The following CACNA2D1 variants were observed in gnomAD, a reference collection of about 807,000 sequenced individuals.
The protein encoded by CACNA2D1 is voltage-dependent calcium channel subunit alpha-2/delta-1.
CACNA2D1 carries 53 observed loss-of-function variants against 171.5 expected under a neutral mutation model. That is an observed-to-expected ratio of 0.31 (90% confidence interval 0.25 to 0.39). The LOEUF is 0.39. Ranked by LOEUF, CACNA2D1 falls within the 10% of genes least tolerant of loss-of-function variation. CACNA2D1 has a pLI of 1.00. For missense variants in CACNA2D1, 903 were observed against 1,299.8 expected, an observed-to-expected ratio of 0.69 and a Z score of 4.69; for synonymous variants, 442 against 443.1, an observed-to-expected ratio of 1.00 and a Z score of 0.03.
chr7:82,001,900 T>C (rs1444729399), intron 18 of CACNA2D1, among the ~76,000 whole-genome samples: 1 of 151,522 alleles, frequency 6.6e-6, no homozygotes, highest in Non-Finnish European at 1.5e-5. Context: ...ATATCTTCAA[T>C]GAATACAAAC....
intron 12 of CACNA2D1, among the ~76,000 whole-genome samples, chr7:82,014,762 C>T (rs1295076461): frequency 1.3e-5 from 2 of 152,118 alleles, no homozygotes; most frequent in African/African-American, 2.4e-5. Context: ...ATAGAAAGTA[C>T]ATCTTTCATG....
intron 3 of CACNA2D1, among the ~76,000 whole-genome samples, chr7:82,332,251 G>C (rs1049869583): frequency 2.6e-5 from 4 of 151,822 alleles, no homozygotes; most frequent in Non-Finnish European, 5.9e-5. Context: ...TAGTAAACAC[G>C]GGGTTTCACC....
chr7:81,963,432 T>C (rs1399304149), intron 34 of CACNA2D1, among the ~76,000 whole-genome samples: 1 of 151,850 alleles, frequency 6.6e-6, no homozygotes, highest in East Asian at 1.9e-4. Flanking sequence ...TAGTTACAAC[T>C]AAACAATGAG....
intron 1 of CACNA2D1, among the ~76,000 whole-genome samples, chr7:82,395,650 T>A (rs566324498): frequency 2.0e-5 from 3 of 152,296 alleles, no homozygotes; most frequent in African/African-American, 7.2e-5. Context: ...CTGAGCACAA[T>A]TAATAGTCTA....
At chr7:82,094,205 C>T (rs573793123) in intron 6 of CACNA2D1, among the ~76,000 whole-genome samples, 2 of 150,802 alleles carry the variant, frequency 1.3e-5, no homozygotes, top group South Asian at 4.2e-4. Context: ...AACAGTGACC[C>T]GTTGGTTTAA....
At chr7:82,269,109 G>GTCCC (rs1808293915) in intron 3 of CACNA2D1, among the ~76,000 whole-genome samples, 1 of 152,040 alleles carries the variant, frequency 6.6e-6, no homozygotes, top group Admixed American at 6.6e-5. Context: ...CCTACACATA[G>GTCCC]TCCCTCTTTC....
intron 3 of CACNA2D1, among the ~76,000 whole-genome samples, chr7:82,178,567 G>A (rs1796795151): frequency 6.6e-6 from 1 of 152,002 alleles, no homozygotes; most frequent in South Asian, 2.1e-4. Context: ...TGATTCTATA[G>A]CTGGTGTCAT....
chr7:82,035,834 T>C (rs1434094117), intron 11 of CACNA2D1, among the ~76,000 whole-genome samples: 1 of 152,326 alleles, frequency 6.6e-6, no homozygotes, highest in Non-Finnish European at 1.5e-5. Context: ...GAAGGATACA[T>C]CTTAATCTAA....
chr7:82,058,885 T>C (rs1477818527), intron 10 of CACNA2D1, among the ~76,000 whole-genome samples: 1 of 152,114 alleles, frequency 6.6e-6, no homozygotes, highest in Non-Finnish European at 1.5e-5. Context: ...TGTGAGAGTG[T>C]TTTGCCAGGA....
chr7:82,120,400 A>G (rs1234441445), intron 5 of CACNA2D1, among the ~76,000 whole-genome samples: 1 of 152,206 alleles, frequency 6.6e-6, no homozygotes, highest in South Asian at 2.1e-4. Flanking sequence ...AATTTTTTAA[A>G]GTCTCGATTA....
rs139979489 is a variant in CACNA2D1 at position 82,015,018 on chromosome 7, C to T, written c.1144-539G>A. 6.6e-5 allele frequency among the ~76,000 whole-genome samples: 10 copies of T among 152,134 alleles called. No individual in the cohort carries two copies. In the South Asian group the frequency reaches 1.9e-3, roughly 28 times the overall value. The stretch of plus-strand genomic sequence containing the variant: ...AGTGAGCTGAAATTGTGCCATTGCA[C>T]TCCAGCTTGGGCAACAAGAGCGAAA... On this transcript the variant is annotated intron_variant, in intron 12 of 38. Transcript: ENST00000356860.
intron 5 of CACNA2D1, 146 bp from the exon 6 acceptor site, chr7:82,117,319 T>C: frequency 1.3e-6 from 1 of 776,428 alleles, no homozygotes; most frequent in African/African-American, 1.7e-5. Context: ...TAGCATTGGA[T>C]ACACAAATTT....
intron 3 of CACNA2D1, among the ~76,000 whole-genome samples, chr7:82,191,564 G>C (rs1214481899): frequency 2.0e-5 from 3 of 151,656 alleles, no homozygotes; most frequent in Non-Finnish European, 3.0e-5. Flanking sequence ...AAAATCTTTG[G>C]TTTTTCCTTC....
chr7:82,220,455 ACT>A (rs995363363), intron 3 of CACNA2D1, among the ~76,000 whole-genome samples: 1 of 151,944 alleles, frequency 6.6e-6, no homozygotes, highest in Non-Finnish European at 1.5e-5. Flanking sequence ...TGGTCTCATG[ACT>A]CTTTTACATT....
intron 1 of CACNA2D1, among the ~76,000 whole-genome samples, chr7:82,393,091 C>A (rs151250021): frequency 0.062 from 3,306 of 53,230 alleles, 69 homozygotes; most frequent in African/African-American, 0.19. Context: ...GGAAGGCAGG[C>A]AGGCAGGCAG....
chr7:82,145,464 T>A (rs1392994430), intron 4 of CACNA2D1, among the ~76,000 whole-genome samples: 1 of 144,732 alleles, frequency 6.9e-6, no homozygotes, highest in African/African-American at 2.5e-5. Flanking sequence ...TATATGTTTA[T>A]ATTTTATATA....
At chr7:82,407,383 T>C (rs1827172633) in intron 1 of CACNA2D1, among the ~76,000 whole-genome samples, 1 of 152,228 alleles carries the variant, frequency 6.6e-6, no homozygotes, top group Admixed American at 6.5e-5. Context: ...TCTTTACTTC[T>C]ATAAAATGTA....
intron 1 of CACNA2D1, among the ~76,000 whole-genome samples, chr7:82,386,444 T>C (rs968397104): frequency 1.3e-5 from 2 of 152,148 alleles, no homozygotes; most frequent in African/African-American, 2.4e-5. Context: ...GCCAAAGAAG[T>C]GCCTATTAAG....
chr7:81,954,839 T>A (rs1793033343), intron 38 of CACNA2D1, among the ~76,000 whole-genome samples: 1 of 152,122 alleles, frequency 6.6e-6, no homozygotes, highest in Non-Finnish European at 1.5e-5. Flanking sequence ...TATTTAAAAA[T>A]TTTTAGGCAT....
Sources: gnomAD v4.1 joint callset for allele counts (sites outside exome capture counted in the v4.1 genomes callset) on GRCh38, gnomAD v4.1.1 for gene constraint, MANE v1.5 for transcripts, NCBI Gene and HGNC (gene_info 2026-07-23, HGNC 2026-07-21) for gene names.